KCNN2: variants seen among roughly 807,000 people sequenced by gnomAD.
KCNN2 encodes the protein small conductance calcium-activated potassium channel protein 2.
Under a neutral mutation model 55.5 loss-of-function variants are expected in KCNN2, and 24 were observed. That is an observed-to-expected ratio of 0.43 (90% confidence interval 0.31 to 0.61). The LOEUF is 0.61. KCNN2 is among the 20% of genes least tolerant of loss of function. The pLI is 0.08. For missense variants in KCNN2, 754 were observed against 853.6 expected (o/e 0.88, Z 1.45); for synonymous variants, 431 against 336.1 (o/e 1.28, Z -3.09).
chr5:114,284,315 T>G (rs552614552), intron 2 of KCNN2, among the ~76,000 whole-genome samples: 1 of 152,194 alleles, frequency 6.6e-6, no homozygotes, highest in East Asian at 1.9e-4. Context: ...TGAAAGCCTG[T>G]GTGTATGAAT....
At chr5:114,236,983 C>T (rs1371464497) in intron 2 of KCNN2, among the ~76,000 whole-genome samples, 2 of 152,046 alleles carry the variant, frequency 1.3e-5, no homozygotes, top group Non-Finnish European at 2.9e-5. Flanking sequence ...CATCAAGCCT[C>T]CCAAGGAAAA....
intron 1 of KCNN2, among the ~76,000 whole-genome samples, chr5:114,163,366 T>C (rs1385631707): frequency 3.3e-5 from 5 of 152,144 alleles, no homozygotes; most frequent in Non-Finnish European, 7.4e-5. Context: ...CTTGTGGCAA[T>C]TTTCACTGGG....
intron 1 of KCNN2, among the ~76,000 whole-genome samples, chr5:114,160,823 C>A (rs1190596171): frequency 1.3e-5 from 2 of 152,090 alleles, no homozygotes; most frequent in African/African-American, 2.4e-5. Flanking sequence ...ACTAGGATTG[C>A]AACCCCTGCC....
At chr5:114,148,362 G>A (rs751494476) in intron 1 of KCNN2, among the ~76,000 whole-genome samples, 2 of 152,102 alleles carry the variant, frequency 1.3e-5, no homozygotes, top group East Asian at 1.9e-4. Flanking sequence ...AAACACAGAC[G>A]AGTTCCATGG....
chr5:114,109,031 T>C (rs80077616), intron 1 of KCNN2, among the ~76,000 whole-genome samples: 7,004 of 152,102 alleles, frequency 0.046, 533 homozygotes, highest in African/African-American at 0.16. Flanking sequence ...CAATTTGGTG[T>C]TGTGCCAAGC....
At chr5:114,467,684 A>G (rs1390354289) in intron 4 of KCNN2, among the ~76,000 whole-genome samples, 1 of 152,146 alleles carries the variant, frequency 6.6e-6, no homozygotes, top group African/African-American at 2.4e-5. Context: ...AAGAAATTTC[A>G]TAAGTGGATC....
At chr5:114,412,099 G>T (rs1433308098) in intron 3 of KCNN2, among the ~76,000 whole-genome samples, 1 of 152,144 alleles carries the variant, frequency 6.6e-6, no homozygotes, top group Non-Finnish European at 1.5e-5. Context: ...CAGATTTCTA[G>T]TCTCTTAGCA....
intron 2 of KCNN2, among the ~76,000 whole-genome samples, chr5:114,238,580 C>T (rs1486394516): frequency 1.3e-5 from 2 of 150,708 alleles, no homozygotes; most frequent in Non-Finnish European, 2.9e-5. Flanking sequence ...GAGCCAAGAT[C>T]GCGGCACTGC....
At chr5:114,335,363 C>G (rs1487306144) in intron 2 of KCNN2, among the ~76,000 whole-genome samples, 1 of 152,144 alleles carries the variant, frequency 6.6e-6, no homozygotes, top group East Asian at 1.9e-4. Flanking sequence ...TTCTGCCTCT[C>G]TTTAGCTTTC....
At chr5:114,195,102 A>C (rs2112566582) in intron 1 of KCNN2, among the ~76,000 whole-genome samples, 1 of 151,846 alleles carries the variant, frequency 6.6e-6, no homozygotes, top group South Asian at 2.1e-4. Flanking sequence ...GCTGAGTAGT[A>C]AATTTTGAAA....
At chr5:114,424,590 A>G (rs1293336374) in intron 3 of KCNN2, among the ~76,000 whole-genome samples, 1 of 152,196 alleles carries the variant, frequency 6.6e-6, no homozygotes, top group African/African-American at 2.4e-5. Context: ...TTAGAAGGAA[A>G]ACCCTGGCAG....
At chr5:114,303,616 A>T (rs1756211507) in intron 2 of KCNN2, among the ~76,000 whole-genome samples, 1 of 152,218 alleles carries the variant, frequency 6.6e-6, no homozygotes, top group Non-Finnish European at 1.5e-5. Flanking sequence ...AATAAATCTT[A>T]TAATCTTGTG....
At chr5:114,113,245 T>C (rs1254192040) in intron 1 of KCNN2, among the ~76,000 whole-genome samples, 2 of 152,048 alleles carry the variant, frequency 1.3e-5, no homozygotes, top group African/African-American at 4.8e-5. Context: ...TTAAGGCTAT[T>C]TCTTCTTACT....
intron 2 of KCNN2, among the ~76,000 whole-genome samples, chr5:114,245,172 A>C (rs2112620357): frequency 6.6e-6 from 1 of 152,364 alleles, no homozygotes; most frequent in Non-Finnish European, 1.5e-5. Context: ...TGATGAAAAC[A>C]AATATCCCAT....
At chr5:114,418,619 T>G (rs1012118269) in intron 3 of KCNN2, among the ~76,000 whole-genome samples, 7 of 152,164 alleles carry the variant, frequency 4.6e-5, no homozygotes, top group African/African-American at 1.7e-4. Context: ...GGAACCCCAT[T>G]CTGAGGCAGC....
intron 2 of KCNN2, among the ~76,000 whole-genome samples, chr5:114,390,920 A>G (rs1201392603): frequency 6.6e-6 from 1 of 152,104 alleles, no homozygotes; most frequent in Non-Finnish European, 1.5e-5. Context: ...CCTGGTGGTA[A>G]GAAACATGTG....
intron 2 of KCNN2, among the ~76,000 whole-genome samples, chr5:114,330,377 T>C (rs377332202): frequency 4.6e-5 from 7 of 152,332 alleles, no homozygotes; most frequent in African/African-American, 1.7e-4. Context: ...CCAGACCATT[T>C]TTGAATCCCT....
At chr5:114,351,723 G>A (rs898961140) in intron 2 of KCNN2, among the ~76,000 whole-genome samples, 1 of 151,606 alleles carries the variant, frequency 6.6e-6, no homozygotes, top group African/African-American at 2.4e-5. Context: ...TGATTATATG[G>A]TTATTTTGCT....
At chr5:114,129,868 G>A (rs1752035907) in intron 1 of KCNN2, among the ~76,000 whole-genome samples, 1 of 152,156 alleles carries the variant, frequency 6.6e-6, no homozygotes, top group Non-Finnish European at 1.5e-5. Context: ...GTGTTTCCTG[G>A]TAGAATCCCT....
Sources: gnomAD v4.1 joint callset for allele counts (sites outside exome capture counted in the v4.1 genomes callset) on GRCh38, gnomAD v4.1.1 for gene constraint, MANE v1.5 for transcripts, NCBI Gene and HGNC (gene_info 2026-07-23, HGNC 2026-07-21) for gene names.